Variants in DOCK2 observed in about 807,000 individuals in gnomAD.
DOCK2 encodes the protein dedicator of cytokinesis 2.
Under a neutral mutation model 248.9 loss-of-function variants are expected in DOCK2, and 87 were observed. The observed-to-expected ratio is 0.35, with a 90% CI of 0.29 to 0.42. The LOEUF (loss-of-function observed/expected upper bound fraction) is 0.42, where lower values mean the gene tolerates loss of function less well. DOCK2 is among the 10% of genes least tolerant of loss of function. The probability of loss-of-function intolerance (pLI) is 1.00; values close to 1 mark genes in which losing one functional copy is unlikely to be tolerated. For missense variants in DOCK2, 1,747 were observed against 2,300.2 expected, an observed-to-expected ratio of 0.76 and a Z score of 4.92; for synonymous variants, 805 against 821.6, an observed-to-expected ratio of 0.98 and a Z score of 0.35.
Position 169,808,779 on chromosome 5 carries a change from A to G in DOCK2, c.2703+5573A>G, listed in dbSNP as rs147279871. On this transcript the variant is annotated intron_variant, in intron 26 of 51. Transcript: ENST00000520908. ...TTTTATGTTTCATTCCTCAAGAAAA[A>G]GGAGAGTCGTTGTTTGCTACTCTGC... Among the ~76,000 whole-genome samples, 423 of 152,296 alleles carry G rather than the reference A, an allele frequency of 2.8e-3. 3 individuals are homozygous for G. The highest frequency in any genetic ancestry group is 9.9e-3 in the African/African-American group (413 of 41,540).
intron 36 of DOCK2, among the ~76,000 whole-genome samples, chr5:170,036,849 G>A (rs1756340550): frequency 6.6e-6 from 1 of 152,186 alleles, no homozygotes; most frequent in Non-Finnish European, 1.5e-5. Flanking sequence ...GGGTGCATTT[G>A]CATTGTTGCG....
At chr5:169,774,029 G>C (rs1765244210) in intron 25 of DOCK2, among the ~76,000 whole-genome samples, 2 of 152,072 alleles carry the variant, frequency 1.3e-5, no homozygotes, top group South Asian at 4.1e-4. Context: ...ACCCAGTCTT[G>C]GGTATGTCTT....
At chr5:169,710,449 CT>C (rs1761511565) in intron 15 of DOCK2, among the ~76,000 whole-genome samples, 1 of 152,186 alleles carries the variant, frequency 6.6e-6, no homozygotes, top group Admixed American at 6.5e-5. Flanking sequence ...TGTATAATGC[CT>C]GAAAGATGCC....
At chr5:169,883,526 G>A (rs982679713) in intron 27 of DOCK2, 1 of 1,551,630 alleles carries the variant, frequency 6.4e-7, no homozygotes, top group Non-Finnish European at 8.7e-7. Flanking sequence ...GAGGCTGTTG[G>A]CATTTCCACC....
chr5:169,874,225 C>A lies in DOCK2; in HGVS notation c.2799+33373C>A, dbSNP rs533498611. Among the ~76,000 whole-genome samples the A allele has an allele frequency of 3.4e-4, 51 of 152,018 alleles. 1 individual carries two copies. The highest frequency in any genetic ancestry group is 1.2e-3 in the African/African-American group (49 of 41,486). On this transcript the variant is annotated intron_variant, in intron 27 of 51. Coordinates refer to ENST00000520908, the MANE Select transcript of DOCK2 (RefSeq NM_004946.3). ...GTCAGGGGTTCAAGACCAGCCTGGC[C>A]AACATGGTGAAACCCCGTCTCTACT...
intron 27 of DOCK2, among the ~76,000 whole-genome samples, chr5:169,877,958 G>A (rs1772423693): frequency 6.6e-6 from 1 of 151,992 alleles, no homozygotes; most frequent in Non-Finnish European, 1.5e-5. Context: ...AAGTTTTCTG[G>A]GAAAGACCTC....
intron 26 of DOCK2, among the ~76,000 whole-genome samples, chr5:169,820,185 C>T (rs1768340906): frequency 6.6e-6 from 1 of 152,242 alleles, no homozygotes; most frequent in South Asian, 2.1e-4. Context: ...GTAGACTGCA[C>T]CTCTGGGGGC....
At chr5:169,778,367 T>C (rs1440879386) in intron 25 of DOCK2, among the ~76,000 whole-genome samples, 1 of 152,218 alleles carries the variant, frequency 6.6e-6, no homozygotes, top group Non-Finnish European at 1.5e-5. Flanking sequence ...TGAGTAGTAA[T>C]ATTTTTGTTC....
At chr5:169,726,411 T>C (rs550781893) in intron 22 of DOCK2, among the ~76,000 whole-genome samples, 1 of 152,358 alleles carries the variant, frequency 6.6e-6, no homozygotes, top group Admixed American at 6.5e-5. Flanking sequence ...TATTAGCCCT[T>C]TGTCAGATAG....
At chr5:170,031,711 G>A (rs1241562669) in intron 34 of DOCK2, among the ~76,000 whole-genome samples, 7 of 152,160 alleles carry the variant, frequency 4.6e-5, no homozygotes, top group African/African-American at 1.2e-4. Flanking sequence ...TGAGTGGAAG[G>A]ATGGATAGTG....
At chr5:169,756,797 C>T (rs566024119) in intron 23 of DOCK2, among the ~76,000 whole-genome samples, 10 of 152,038 alleles carry the variant, frequency 6.6e-5, no homozygotes, top group South Asian at 2.1e-4. Flanking sequence ...TGGTGGCACA[C>T]GCCTGTAATC....
intron 32 of DOCK2, among the ~76,000 whole-genome samples, chr5:170,010,262 G>C (rs1253600474): frequency 6.6e-6 from 1 of 152,150 alleles, no homozygotes; most frequent in Non-Finnish European, 1.5e-5. Context: ...CTGGGAGAAG[G>C]GGGTGCCACC....
In DOCK2 at chr5:170,057,672, T is replaced by C; in HGVS notation, c.4467+6T>C. The C allele has an allele frequency of 6.3e-7, 1 of 1,596,734 alleles. No homozygotes were observed. Among genetic ancestry groups the C allele is most frequent in the Non-Finnish European group, 8.6e-7 (1 of 1,169,514 alleles). On this transcript the variant is annotated splice_donor_region_variant and intron_variant, in intron 44 of 51. Coordinates refer to ENST00000520908, the MANE Select transcript of DOCK2 (RefSeq NM_004946.3). Reference sequence around the variant, plus strand: ...AGGTGGTGCACATGTCGCAGGTGAGTCTGGGACATTCGTGGCAGGGCCACC... The same window carrying C: ...AGGTGGTGCACATGTCGCAGGTGAGCCTGGGACATTCGTGGCAGGGCCACC...
intron 4 of DOCK2, among the ~76,000 whole-genome samples, chr5:169,670,841 T>C (rs1211209639): frequency 2.0e-5 from 3 of 152,192 alleles, no homozygotes; most frequent in Non-Finnish European, 4.4e-5. Flanking sequence ...GGCAGCTACC[T>C]TAGAACTGTA....
chr5:169,729,586 G>A (rs770161481), intron 22 of DOCK2, among the ~76,000 whole-genome samples: 14 of 152,140 alleles, frequency 9.2e-5, no homozygotes, highest in Non-Finnish European at 1.5e-4. Context: ...TTACTATTTG[G>A]CCAAGTTCTA....
In DOCK2 at chr5:170,056,733, C is replaced by T. The variant is rs956858923; in HGVS notation, c.4345C>T (p.Arg1449Cys). The T allele has an allele frequency of 2.4e-5, 38 of 1,613,896 alleles. No homozygotes were observed. The highest frequency in any genetic ancestry group is 3.1e-5 in the Non-Finnish European group (36 of 1,179,950). Residue 1449 changes from arginine to cysteine, a missense_variant, in exon 43 of 52, where the codon CGC (arginine) becomes TGC (cysteine). This residue lies in a region of DOCK2 where 513 missense variants were observed against 586.1 expected (regional missense o/e 0.88). Coordinates refer to ENST00000520908, the MANE Select transcript of DOCK2 (RefSeq NM_004946.3). ...VQRFHYSRPV[R>C]RGTVDPENEF... ...AAGGTTCCACTACTCCCGGCCCGTG[C>T]GCAGGGGGACCGTAGACCCAGAGAA... is the stretch of plus-strand genomic sequence containing the variant.
intron 30 of DOCK2, among the ~76,000 whole-genome samples, chr5:170,004,664 ACCC>A (rs1242192511): frequency 3.4e-5 from 5 of 148,004 alleles, no homozygotes; most frequent in African/African-American, 1.3e-4. Flanking sequence ...CTTGGAACCA[ACCC>A]AAATGTCCAA....
intron 9 of DOCK2, among the ~76,000 whole-genome samples, chr5:169,692,606 T>G (rs1306580970): frequency 6.6e-6 from 1 of 151,998 alleles, no homozygotes; most frequent in Non-Finnish European, 1.5e-5. Context: ...TAAAAAATTG[T>G]TAAGAGAAGA....
chr5:169,733,363 G>C (rs1461778880), intron 22 of DOCK2, among the ~76,000 whole-genome samples: 1 of 151,110 alleles, frequency 6.6e-6, no homozygotes. Flanking sequence ...TATCATGCTA[G>C]AATTATGCAG....
Sources: gnomAD v4.1 joint callset for allele counts (sites outside exome capture counted in the v4.1 genomes callset) on GRCh38, gnomAD v4.1.1 for gene constraint, gnomAD v4.1.1 regional missense constraint, MANE v1.5 for transcripts, NCBI Gene and HGNC (gene_info 2026-07-23, HGNC 2026-07-21) for gene names.